SLAIN2: variants seen among roughly 807,000 people sequenced by gnomAD.
The protein encoded by SLAIN2 is SLAIN motif-containing protein 2.
In SLAIN2, 31 loss-of-function variants were observed where a neutral mutation model predicts 56.6. The observed-to-expected ratio is 0.55, with a 90% CI of 0.41 to 0.74. SLAIN2 has a LOEUF of 0.74. Among genes scored for constraint, SLAIN2 ranks in the 30% least tolerant of loss-of-function variants. The probability of loss-of-function intolerance (pLI) is 0.00; values close to 1 mark genes in which losing one functional copy is unlikely to be tolerated. For missense variants in SLAIN2, 777 were observed against 754.2 expected, an observed-to-expected ratio of 1.03 and a Z score of -0.35; for synonymous variants, 317 against 284.9, an observed-to-expected ratio of 1.11 and a Z score of -1.13.
At chr4:48,362,732 C>CTTTTTTTTTTT (rs397716685) in intron 1 of SLAIN2, among the ~76,000 whole-genome samples, 1 of 116,412 alleles carries the variant, frequency 8.6e-6, no homozygotes, top group Non-Finnish European at 1.7e-5. Flanking sequence ...TTTTAAATTT[C>CTTTTTTTTTTT]TTTTTTTTTT....
At chr4:48,396,806 T>C (rs983924091) in intron 6 of SLAIN2, among the ~76,000 whole-genome samples, 12 of 152,114 alleles carry the variant, frequency 7.9e-5, no homozygotes, top group Admixed American at 7.9e-4. Context: ...TACTTAACAA[T>C]TGGAAATATA....
chr4:48,352,620 A>G (rs1455779434), intron 1 of SLAIN2, among the ~76,000 whole-genome samples: 3 of 152,186 alleles, frequency 2.0e-5, no homozygotes, highest in Non-Finnish European at 4.4e-5. Flanking sequence ...ATGTCTCCAG[A>G]TGTTGCCAGG....
At chr4:48,377,764 C>T (rs560918640) in intron 2 of SLAIN2, 132 bp from the exon 3 acceptor site, 2 of 851,562 alleles carry the variant, frequency 2.3e-6, no homozygotes, top group Non-Finnish European at 3.6e-6. Context: ...TATTTTTTCC[C>T]CCACTACCAT....
intron 1 of SLAIN2, among the ~76,000 whole-genome samples, chr4:48,363,967 A>T (rs374344644): frequency 1.1e-5 from 1 of 92,402 alleles, no homozygotes; most frequent in Non-Finnish European, 2.4e-5. Context: ...CTGGCCGGGC[A>T]GGGGGCTGAC....
intron 6 of SLAIN2, among the ~76,000 whole-genome samples, chr4:48,416,661 C>T (rs185911076): frequency 6.6e-6 from 1 of 151,788 alleles, no homozygotes. Flanking sequence ...ATCTCTCAGA[C>T]CACAGTGCAA....
chr4:48,394,872 GATAT>G, intron 6 of SLAIN2, among the ~76,000 whole-genome samples: 1 of 152,270 alleles, frequency 6.6e-6, no homozygotes, highest in African/African-American at 2.4e-5. Context: ...AGGAGTAAAT[GATAT>G]ATAGAGAATA....
intron 6 of SLAIN2, among the ~76,000 whole-genome samples, chr4:48,411,237 C>G (rs985677518): frequency 6.6e-6 from 1 of 152,118 alleles, no homozygotes; most frequent in African/African-American, 2.4e-5. Flanking sequence ...ATCTATCTTT[C>G]TCACTACTTC....
chr4:48,381,647 A>G lies in SLAIN2; in HGVS notation c.863-921A>G, dbSNP rs572741352. On this transcript the variant is annotated intron_variant, in intron 4 of 7. Coordinates refer to ENST00000264313, the MANE Select transcript of SLAIN2 (RefSeq NM_020846.2). ...GTGGACTCCAGGAATTTATAGTTTT[A>G]AAGATACCCTAGGGTGATTCTCATC... 1.6e-4 allele frequency among the ~76,000 whole-genome samples: 25 copies of G among 152,300 alleles called. 1 individual carries two copies. The South Asian group carries it at 4.6e-3, about 28-fold the overall frequency.
intron 2 of SLAIN2, among the ~76,000 whole-genome samples, chr4:48,374,144 T>C (rs866596802): frequency 2.6e-5 from 4 of 151,544 alleles, no homozygotes; most frequent in South Asian, 2.1e-4. Flanking sequence ...TGGAGAAGAG[T>C]AAGGAAAGGA....
At chr4:48,358,771 A>G (rs1456952485) in intron 1 of SLAIN2, among the ~76,000 whole-genome samples, 1 of 150,784 alleles carries the variant, frequency 6.6e-6, no homozygotes, top group Non-Finnish European at 1.5e-5. Context: ...TCCAGGCTGG[A>G]GTGCAATGGT....
At chr4:48,391,442 T>A (rs2109769730) in intron 6 of SLAIN2, among the ~76,000 whole-genome samples, 1 of 152,368 alleles carries the variant, frequency 6.6e-6, no homozygotes. Context: ...AACAGTTGTT[T>A]ATAGCTTAGA....
rs767358464 is a variant in SLAIN2, at chr4:48,382,735, C to T, written c.1030C>T (p.Pro344Ser). The T allele has an allele frequency of 1.7e-5, 27 of 1,613,732 alleles. 1 individual carries two copies. The South Asian group carries it at 2.7e-4, about 16-fold the overall frequency. Residue 344 changes from proline to serine, a missense_variant, in exon 5 of 8, where the codon CCA becomes TCA. Coordinates refer to ENST00000264313, the MANE Select transcript of SLAIN2 (RefSeq NM_020846.2). The stretch of plus-strand genomic sequence containing the variant: ...ATACCCTGCTGTTAACAGGTTTTCA[C>T]CATCACCACGCAATTCACCTCGACC... ...AVYPAVNRFS[P>S]SPRNSPRPSP...
chr4:48,352,255 A>C (rs1009571549), intron 1 of SLAIN2, among the ~76,000 whole-genome samples: 1 of 152,192 alleles, frequency 6.6e-6, no homozygotes, highest in African/African-American at 2.4e-5. Flanking sequence ...ATTCAAACCA[A>C]AGTATTGAAT....
intron 1 of SLAIN2, among the ~76,000 whole-genome samples, chr4:48,356,514 A>T (rs761967148): frequency 6.6e-6 from 1 of 152,234 alleles, no homozygotes; most frequent in Admixed American, 6.5e-5. Context: ...GCTAGTATAC[A>T]TAAAGACTGT....
At chr4:48,353,751 G>T (rs1000335114) in intron 1 of SLAIN2, among the ~76,000 whole-genome samples, 2 of 152,186 alleles carry the variant, frequency 1.3e-5, no homozygotes, top group Admixed American at 6.5e-5. Flanking sequence ...GTAGAGTGTA[G>T]ATAGATTGGA....
chr4:48,362,006 G>T (rs1715339402), intron 1 of SLAIN2, among the ~76,000 whole-genome samples: 1 of 151,998 alleles, frequency 6.6e-6, no homozygotes, highest in African/African-American at 2.4e-5. Context: ...TTTGCTTATT[G>T]ATCTTGTGTC....
intron 1 of SLAIN2, among the ~76,000 whole-genome samples, chr4:48,363,752 C>T (rs1343883716): frequency 1.1e-4 from 13 of 119,432 alleles, no homozygotes; most frequent in Admixed American, 7.8e-5. Context: ...GGGGCTGACC[C>T]CCCCCACCTC....
intron 1 of SLAIN2, among the ~76,000 whole-genome samples, chr4:48,345,626 AGTTTTTGT>A (rs1714844428): frequency 6.6e-6 from 1 of 151,638 alleles, no homozygotes; most frequent in African/African-American, 2.4e-5. Flanking sequence ...TTCCTAACCT[AGTTTTTGT>A]GTAACGGATT....
At chr4:48,366,450 G>C (rs1405260874) in intron 1 of SLAIN2, among the ~76,000 whole-genome samples, 1 of 152,060 alleles carries the variant, frequency 6.6e-6, no homozygotes, top group African/African-American at 2.4e-5. Context: ...TTTCTTTTCA[G>C]TTCTATTACT....
Sources: gnomAD v4.1 joint callset for allele counts (sites outside exome capture counted in the v4.1 genomes callset) on GRCh38, gnomAD v4.1.1 for gene constraint, MANE v1.5 for transcripts, NCBI Gene and HGNC (gene_info 2026-07-23, HGNC 2026-07-21) for gene names.